COLEC10: variants seen among roughly 807,000 people sequenced by gnomAD.
The protein encoded by COLEC10 is collectin subfamily member 10, also known as collectin-10.
A neutral mutation model predicts 28.4 loss-of-function variants in COLEC10; 22 were observed. That is an observed-to-expected ratio of 0.78 (90% CI 0.55 to 1.11). COLEC10 has a LOEUF of 1.11. Among genes scored for constraint, COLEC10 ranks in the 50% least tolerant of loss-of-function variants. The pLI is 0.00. For synonymous variants in COLEC10, 125 were observed against 116.1 expected, an observed-to-expected ratio of 1.08 and a Z score of -0.49; for missense variants, 361 against 344.1, an observed-to-expected ratio of 1.05 and a Z score of -0.39.
chr8:118,965,934 G>T, the COLEC10 span, among the ~76,000 whole-genome samples: 1 of 152,142 alleles, frequency 6.6e-6, no homozygotes, highest in East Asian at 1.9e-4. Context: ...TGAATGGGTG[G>T]CTGTTGATAT....
At chr8:119,049,391 ATTTTC>A (rs1264776545) in intron 2 of COLEC10, among the ~76,000 whole-genome samples, 1 of 69,038 alleles carries the variant, frequency 1.4e-5, no homozygotes, top group Non-Finnish European at 2.9e-5. Context: ...AAGCATAGGT[ATTTTC>A]TTTTCTTTTT....
intron 2 of COLEC10, among the ~76,000 whole-genome samples, chr8:119,017,949 G>A (rs952746167): frequency 3.9e-5 from 6 of 152,172 alleles, no homozygotes; most frequent in Non-Finnish European, 1.5e-5. Flanking sequence ...GAATTCATGA[G>A]TTTTCCTCTG....
At chr8:119,006,998 C>A (rs2130075784) in intron 1 of COLEC10, among the ~76,000 whole-genome samples, 2 of 152,172 alleles carry the variant, frequency 1.3e-5, no homozygotes, top group Middle Eastern at 6.8e-3. Context: ...AAACTCTAGT[C>A]TTAAAACTGT....
chr8:119,027,617 C>T (rs1196961060), intron 2 of COLEC10, among the ~76,000 whole-genome samples: 2 of 152,152 alleles, frequency 1.3e-5, no homozygotes, highest in Non-Finnish European at 2.9e-5. Flanking sequence ...GCTAATTCTC[C>T]AGCAACAGCT....
chr8:119,061,224 C>A (rs1294038725), intron 2 of COLEC10, among the ~76,000 whole-genome samples: 1 of 151,528 alleles, frequency 6.6e-6, no homozygotes, highest in Non-Finnish European at 1.5e-5. Flanking sequence ...GAAGACTAAT[C>A]CAAAAGATCC....
rs531747236 is a variant in COLEC10 at position 119,039,422 on chromosome 8, A to C, written n.235+29869A>C. 1.2e-3 allele frequency among the ~76,000 whole-genome samples: 184 copies of C among 152,284 alleles called. 1 individual carries two copies. The highest frequency in any genetic ancestry group is 4.1e-3 in the African/African-American group (169 of 41,558). On this transcript the variant is annotated intron_variant and non_coding_transcript_variant, in intron 2 of 6. Coordinates refer to the COLEC10 transcript ENST00000521788. ...TTCCTCCACCAGACTGTAAGACCTA[A>C]GAGGGGAGGAACTACATCTGTCTGA...
chr8:119,029,896 A>T (rs1030599859), intron 2 of COLEC10, among the ~76,000 whole-genome samples: 1 of 152,246 alleles, frequency 6.6e-6, no homozygotes, highest in African/African-American at 2.4e-5. Context: ...CATAGTTAGC[A>T]GCATGGGTTG....
intron 1 of COLEC10, among the ~76,000 whole-genome samples, chr8:119,088,174 A>G (rs1326853900): frequency 2.0e-5 from 3 of 149,834 alleles, no homozygotes; most frequent in Non-Finnish European, 1.5e-5. Context: ...AAGGAAGGAG[A>G]GTGGGAAGGA....
chr8:119,076,518 C>T (rs565340515), intron 1 of COLEC10, among the ~76,000 whole-genome samples: 15 of 152,302 alleles, frequency 9.8e-5, no homozygotes, highest in Non-Finnish European at 1.5e-4. Context: ...CCGCCTAGGC[C>T]TCCCAAAGTT....
intron 1 of COLEC10, among the ~76,000 whole-genome samples, chr8:118,996,959 G>T (rs1393538853): frequency 6.6e-6 from 1 of 152,152 alleles, no homozygotes; most frequent in Non-Finnish European, 1.5e-5. Flanking sequence ...TACCACAGGG[G>T]TGGCATCAAG....
intron 3 of COLEC10, among the ~76,000 whole-genome samples, chr8:119,095,799 C>CA (rs1314570716): frequency 6.6e-6 from 1 of 151,862 alleles, no homozygotes; most frequent in Non-Finnish European, 1.5e-5. Context: ...TGAAAATGAC[C>CA]AAAAATACCC....
At chr8:119,042,280 G>A (rs1216580742) in intron 2 of COLEC10, among the ~76,000 whole-genome samples, 12 of 152,130 alleles carry the variant, frequency 7.9e-5, no homozygotes, top group Admixed American at 7.9e-4. Flanking sequence ...TTACAACCAT[G>A]AGCCACTGCA....
chr8:119,027,823 G>C (rs16891880), intron 2 of COLEC10, among the ~76,000 whole-genome samples: 6,688 of 152,144 alleles, frequency 0.044, 213 homozygotes, highest in East Asian at 0.16. Flanking sequence ...CTCTCTCCTC[G>C]ATGCTACCTT....
chr8:118,994,208 G>T (rs1813553753), upstream of COLEC10, among the ~76,000 whole-genome samples: 1 of 152,158 alleles, frequency 6.6e-6, no homozygotes, highest in Non-Finnish European at 1.5e-5. Flanking sequence ...CCTTGACCAA[G>T]CCCCTATGTT....
chr8:119,025,282 A>C (rs1265159216), intron 2 of COLEC10, among the ~76,000 whole-genome samples: 1 of 152,194 alleles, frequency 6.6e-6, no homozygotes, highest in Non-Finnish European at 1.5e-5. Flanking sequence ...TTGCTTTTAG[A>C]CTTACCGCAG....
chr8:119,089,833 A>G, intron 2 of COLEC10, 82 bp downstream of exon 2: 1 of 1,112,482 alleles, frequency 9.0e-7, no homozygotes, highest in Non-Finnish European at 1.3e-6. Context: ...GGAAATTAGC[A>G]GCTTTCATAA....
chr8:119,101,457 A>T (rs887260223), intron 3 of COLEC10, among the ~76,000 whole-genome samples: 1 of 152,176 alleles, frequency 6.6e-6, no homozygotes, highest in African/African-American at 2.4e-5. Context: ...AGTTGAAAAA[A>T]AATTAACGTG....
At chr8:118,981,635 G>C in the COLEC10 span, among the ~76,000 whole-genome samples, 5 of 151,974 alleles carry the variant, frequency 3.3e-5, no homozygotes, top group Non-Finnish European at 4.4e-5. Context: ...TTTCCATCAA[G>C]TCATTGAATT....
At chr8:119,045,914 G>A (rs1000168748) in intron 2 of COLEC10, among the ~76,000 whole-genome samples, 2 of 152,148 alleles carry the variant, frequency 1.3e-5, no homozygotes, top group Non-Finnish European at 2.9e-5. Context: ...AACTCCTACA[G>A]AATAAATCTA....
Sources: allele counts gnomAD v4.1 joint callset (sites outside exome capture counted in the v4.1 genomes callset), GRCh38; gene constraint gnomAD v4.1.1; transcripts MANE v1.5; gene names NCBI Gene and HGNC (gene_info 2026-07-23, HGNC 2026-07-21).